Variants in ACOT11 observed in about 807,000 individuals in gnomAD.
ACOT11 encodes the protein acyl-CoA thioesterase 11.
A neutral mutation model predicts 77.5 loss-of-function variants in ACOT11; 69 were observed. The ratio of observed to expected loss-of-function variants is 0.89; its 90% CI spans 0.73 to 1.09. The LOEUF (loss-of-function observed/expected upper bound fraction) is 1.09. Ranked by LOEUF, ACOT11 falls within the 50% of genes least tolerant of loss-of-function variation. ACOT11 has a pLI of 0.00. For missense variants in ACOT11, 766 were observed against 813.7 expected (o/e 0.94, Z 0.71); for synonymous variants, 279 against 313.0 (o/e 0.89, Z 1.15).
At chr1:54,570,083 A>G (rs1401501949) in intron 1 of ACOT11, among the ~76,000 whole-genome samples, 1 of 152,206 alleles carries the variant, frequency 6.6e-6, no homozygotes, top group Non-Finnish European at 1.5e-5. Flanking sequence ...CCTTGTTCTC[A>G]GTGAACCCGA....
rs374298705 is a variant in ACOT11 at position 54,554,046 on chromosome 1, G to A, written c.33+5704G>A. On this transcript the variant is annotated intron_variant, in intron 1 of 15. Coordinates refer to ENST00000343744, the MANE Select transcript of ACOT11 (RefSeq NM_147161.4). The stretch of plus-strand genomic sequence containing the variant: ...AAAATTGCCAGGTGTGGTAGCACGC[G>A]CCTCTAGTCCCAGCTAGTTGGGAGG... 2.6e-4 allele frequency among the ~76,000 whole-genome samples: 40 copies of A among 152,068 alleles called. No homozygotes were observed. In the East Asian group the frequency reaches 7.2e-3, roughly 27 times the overall value.
chr1:54,557,237 C>G (rs1029697620), intron 1 of ACOT11, among the ~76,000 whole-genome samples: 1 of 151,610 alleles, frequency 6.6e-6, no homozygotes, highest in Non-Finnish European at 1.5e-5. Context: ...ACTAAAAATA[C>G]AAAAATTAGT....
chr1:54,607,807 G>A lies in ACOT11; in HGVS notation c.1503-135G>A. The A allele has an allele frequency of 8.1e-7, 1 of 1,231,766 alleles. No homozygotes were observed. Among genetic ancestry groups the A allele is most frequent in the African/African-American group, 1.5e-5 (1 of 65,942 alleles). 76.3% of individuals were successfully genotyped at this position (1,231,766 alleles called of 1,614,324 possible). On this transcript the variant is annotated intron_variant, in intron 14 of 15. Coordinates refer to ENST00000343744, the MANE Select transcript of ACOT11 (RefSeq NM_147161.4). The surrounding 1 kb of genome is among the most constrained non-coding windows in gnomAD (Gnocchi z 4.5). The stretch of plus-strand genomic sequence containing the variant: ...TGAGCCCCGCATTGGGGCTTTAAGA[G>A]TCGATGTGCCTTGCATCCCCCTGGT...
chr1:54,611,897 T>A, downstream of ACOT11: 1 of 818,962 alleles, frequency 1.2e-6, no homozygotes, highest in East Asian at 2.7e-5. Flanking sequence ...TCCTACCCCT[T>A]CCCAAGGGCA....
intron 1 of ACOT11, among the ~76,000 whole-genome samples, chr1:54,562,329 T>C (rs1475261358): frequency 3.1e-4 from 16 of 51,058 alleles, no homozygotes; most frequent in Admixed American, 5.1e-4. Flanking sequence ...GACCCCCCCA[T>C]CTCCCTCCCG....
intron 15 of ACOT11, chr1:54,623,581 G>A (rs1321365593): frequency 4.8e-5 from 24 of 496,044 alleles, no homozygotes; most frequent in African/African-American, 1.8e-4. Context: ...CTCCCTCCCC[G>A]CCCCAATCCT....
In ACOT11 at chr1:54,609,252, C is replaced by T. The variant is rs1188309327; in HGVS notation, c.*140C>T. ...GCCTCCGCCCTGAGGTCCGCTGGCC[C>T]ACCACCCCTGGGTGCTCAGTTTCTA... On this transcript the variant is annotated 3_prime_UTR_variant, in exon 16 of 16. Transcript: ENST00000343744. 6.3e-7 allele frequency: 1 copy of T among 1,595,722 alleles called. No homozygotes were observed. Among genetic ancestry groups the T allele is most frequent in the Non-Finnish European group, 8.6e-7 (1 of 1,168,874 alleles).
chr1:54,600,563 A>G (rs956459808), intron 8 of ACOT11, among the ~76,000 whole-genome samples: 1 of 152,164 alleles, frequency 6.6e-6, no homozygotes. Flanking sequence ...CACACCTGTA[A>G]TCCCAGCTAC....
At chr1:54,614,939 G>GTTGTGT, downstream of ACOT11, 1 of 1,210,050 alleles carries the variant, frequency 8.3e-7, no homozygotes, top group South Asian at 1.4e-5. Flanking sequence ...AAGCAGAGCG[G>GTTGTGT]GTGTGTGTGT....
intron 1 of ACOT11, chr1:54,582,301 C>A: frequency 3.4e-6 from 1 of 291,358 alleles, no homozygotes; most frequent in Non-Finnish European, 5.1e-6. Flanking sequence ...GATCACACAG[C>A]ACTTGAGGGA....
rs1364164761 is a variant in ACOT11 at position 54,609,033 on chromosome 1, T to G, written c.1706T>G (p.Phe569Cys). Residue 569 changes from phenylalanine (F) to cysteine (C), a missense_variant, in exon 16 of 16, where the codon TTC becomes TGC. By Grantham distance (205) the Phe-to-Cys change is radical. Coordinates refer to ENST00000343744, the MANE Select transcript of ACOT11 (RefSeq NM_147161.4). Reference protein sequence around the residue: ...TTNVAGLSSEFYTTFKACEQF... With the variant: ...TTNVAGLSSECYTTFKACEQF... ...AACGTGGCCGGCCTCTCCTCTGAGT[T>G]CTACACCACCTTCAAGGCTTGTGAG... 1.2e-6 allele frequency: 2 copies of G among 1,614,128 alleles called. No individual in the cohort carries two copies. The highest frequency in any genetic ancestry group is 1.7e-6 in the Non-Finnish European group (2 of 1,180,002).
intron 1 of ACOT11, among the ~76,000 whole-genome samples, chr1:54,573,965 GTTGTGGTGAGCCAAGA>G (rs920409164): frequency 4.6e-5 from 7 of 151,360 alleles, no homozygotes; most frequent in Admixed American, 2.6e-4. Context: ...GGAGGTGGAG[GTTGTGGTGAGCCAAGA>G]TTGTGCCATT....
At chr1:54,597,071 A>G (rs1247980556) in intron 6 of ACOT11, among the ~76,000 whole-genome samples, 188 bp from the exon 7 acceptor site, 8 of 152,196 alleles carry the variant, frequency 5.3e-5, no homozygotes, top group Admixed American at 5.2e-4. Context: ...TGCTGCATCC[A>G]CTGCACTGGA....
chr1:54,634,945 T>TCC (rs1644323001), exon 17 of ACOT11: 1 of 506,088 alleles, frequency 2.0e-6, no homozygotes, highest in Admixed American at 3.7e-5. Flanking sequence ...CAATGAATAA[T>TCC]TTAATGGTAG....
At chr1:54,606,226 G>C (rs893774129) in intron 13 of ACOT11, among the ~76,000 whole-genome samples, 1 of 152,150 alleles carries the variant, frequency 6.6e-6, no homozygotes, top group Non-Finnish European at 1.5e-5. Flanking sequence ...TGTCGTGTAG[G>C]GGGAGGGCGG....
chr1:54,581,862 G>T (rs1654321256), intron 1 of ACOT11, among the ~76,000 whole-genome samples: 1 of 152,234 alleles, frequency 6.6e-6, no homozygotes, highest in East Asian at 1.9e-4. Context: ...CTGCCTCCCA[G>T]ACTGGCTGCC....
rs1324976299 is a variant in ACOT11, at chr1:54,600,894, C to T, written c.885-375C>T. On this transcript the variant is annotated intron_variant, in intron 8 of 15. Transcript: ENST00000343744. ...TATACCTTTGCTTTCTTGTTGGTTG[C>T]CTCCTCCCCTGACTGTTAGCCCATG... Among the ~76,000 whole-genome samples, 3 of 152,090 alleles carry T rather than the reference C, an allele frequency of 2.0e-5. No homozygotes were observed. In the East Asian group the frequency reaches 5.8e-4, roughly 29 times the overall value.
chr1:54,627,500 G>T lies in ACOT11; in HGVS notation c.1630-3234G>T, dbSNP rs1397956683. On this transcript the variant is annotated intron_variant, in intron 15 of 16. Coordinates refer to the ACOT11 transcript ENST00000371316. The stretch of plus-strand genomic sequence containing the variant: ...AAACAAGTTACTGAGCATGCATTCT[G>T]TGCCAGGCACTGTGCTAGGCTCTGG... Among the ~76,000 whole-genome samples, 4 of 135,768 alleles carry T rather than the reference G, an allele frequency of 2.9e-5. 1 individual carries two copies. Among genetic ancestry groups the T allele is most frequent in the East Asian group, 4.6e-4 (2 of 4,378 alleles). The allele number at this position is 135,768 out of a possible 152,430, so 89.1% of individuals were successfully genotyped here. A position where few individuals can be genotyped will look rare whatever the true frequency, so the allele number is the denominator to read the frequency against.
rs377306644 is a variant in ACOT11, at chr1:54,575,041, AG to A, written c.34-9613del. 3.8e-3 allele frequency among the ~76,000 whole-genome samples: 581 copies of A among 152,260 alleles called. 4 individuals are homozygous for A. The highest frequency in any genetic ancestry group is 0.013 in the African/African-American group (558 of 41,538). ...AACTTGCCCAAAGTCTGCCTAACTAAGCCCTTTGACTGAAGACCTTAGACAG... is the reference window on the plus strand; with the variant it reads ...AACTTGCCCAAAGTCTGCCTAACTAACCCTTTGACTGAAGACCTTAGACAG... On this transcript the variant is annotated intron_variant, in intron 1 of 15. Coordinates refer to ENST00000343744, the MANE Select transcript of ACOT11 (RefSeq NM_147161.4).
Sources: gnomAD v4.1 joint callset for allele counts (sites outside exome capture counted in the v4.1 genomes callset) on GRCh38, gnomAD v4.1.1 for gene constraint, Gnocchi (gnomAD v3.1) non-coding constraint, MANE v1.5 for transcripts, NCBI Gene and HGNC (gene_info 2026-07-23, HGNC 2026-07-21) for gene names.